HTR7: variants seen among roughly 807,000 people sequenced by gnomAD.
HTR7 encodes 5-hydroxytryptamine receptor 7.
A neutral mutation model predicts 34.0 loss-of-function variants in HTR7; 16 were observed. The ratio of observed to expected loss-of-function variants is 0.47; its 90% CI spans 0.32 to 0.71. The LOEUF (loss-of-function observed/expected upper bound fraction) is 0.71, where lower values mean the gene tolerates loss of function less well. Ranked by LOEUF, HTR7 falls within the 30% of genes least tolerant of loss-of-function variation. HTR7 has a pLI of 0.04. For missense variants in HTR7, 504 were observed against 625.5 expected (o/e 0.81, Z 2.07); for synonymous variants, 265 against 260.2 (o/e 1.02, Z -0.18).
intron 1 of HTR7, among the ~76,000 whole-genome samples, chr10:90,831,574 G>A (rs1288386044): frequency 2.6e-5 from 4 of 152,196 alleles, no homozygotes; most frequent in Admixed American, 2.6e-4. Context: ...GACCCCAGCG[G>A]GTTGCCACTG....
At chr10:90,760,762 T>C (rs969818967) in intron 1 of HTR7, among the ~76,000 whole-genome samples, 2 of 152,120 alleles carry the variant, frequency 1.3e-5, no homozygotes, top group African/African-American at 2.4e-5. Flanking sequence ...GCATCTGTAA[T>C]CCCAGCTACT....
At chr10:90,819,597 G>T (rs2120003424) in intron 1 of HTR7, among the ~76,000 whole-genome samples, 1 of 152,272 alleles carries the variant, frequency 6.6e-6, no homozygotes, top group Non-Finnish European at 1.5e-5. Context: ...CTGATAGTTG[G>T]TTTCTATTTC....
At chr10:90,804,641 G>T (rs2119937402) in intron 1 of HTR7, among the ~76,000 whole-genome samples, 1 of 152,254 alleles carries the variant, frequency 6.6e-6, no homozygotes, top group South Asian at 2.1e-4. Flanking sequence ...AGAAATATCA[G>T]CTGTTTATCC....
At chr10:90,793,340 G>A (rs1484565766) in intron 1 of HTR7, among the ~76,000 whole-genome samples, 1 of 151,646 alleles carries the variant, frequency 6.6e-6, no homozygotes, top group Non-Finnish European at 1.5e-5. Flanking sequence ...TAACATACGG[G>A]CAGAACTTGA....
At chr10:90,808,898 T>C (rs983572998) in intron 1 of HTR7, among the ~76,000 whole-genome samples, 1 of 152,204 alleles carries the variant, frequency 6.6e-6, no homozygotes, top group Admixed American at 6.5e-5. Flanking sequence ...CTACAAGATA[T>C]AAATAATTCT....
In HTR7 at chr10:90,798,862, A is replaced by T. The variant is rs190470812; in HGVS notation, c.540-49268T>A. ...AGTTATAGTTTATACTTTGAAACAA[A>T]GATAATAACAGCCCTTTCCCAAAAC... On this transcript the variant is annotated intron_variant, in intron 1 of 3. Coordinates refer to ENST00000336152, the MANE Select transcript of HTR7 (RefSeq NM_019859.4). Among the ~76,000 whole-genome samples the T allele has an allele frequency of 5.9e-5, 9 of 152,344 alleles. No homozygotes were observed. The East Asian group carries it at 1.7e-3, about 29-fold the overall frequency.
chr10:90,838,227 C>A (rs1348179741), intron 1 of HTR7, among the ~76,000 whole-genome samples: 1 of 152,168 alleles, frequency 6.6e-6, no homozygotes, highest in Non-Finnish European at 1.5e-5. Context: ...ACCACCAATT[C>A]TACTACCATC....
Position 90,751,845 on chromosome 10 carries a change from A to G in HTR7, c.540-2251T>C, listed in dbSNP as rs561986341. 3.9e-5 allele frequency among the ~76,000 whole-genome samples: 6 copies of G among 152,310 alleles called. No individual in the cohort carries two copies. The South Asian group carries it at 1.0e-3, about 26-fold the overall frequency. On this transcript the variant is annotated intron_variant, in intron 1 of 3. Transcript: ENST00000336152. ...AGAACTATGCCTTCCCACTTAAATA[A>G]CAATCCCATCTTTTTCCTGGCTAAG...
At position 90,749,482 on chromosome 10, in the gene HTR7, G is replaced by T. The variant is rs1844699897; in HGVS notation, c.652C>A (p.Leu218Ile). ...LLSASITLPP[L>I]FGWAQNVNDD... is the part of the protein sequence containing the mutation. ...TTTACATTCTGAGCCCATCCAAAGA[G>T]TGGAGGTAAGGTGATGGAGGCGGAG... is the stretch of plus-strand genomic sequence containing the variant. The change falls in exon 2 of 4, where the codon CTC becomes ATC. Residue 218 changes from leucine (L) to isoleucine (I), a missense_variant. This residue lies in a region of HTR7 where 154 missense variants were observed against 248.8 expected (regional missense o/e 0.62). Transcript: ENST00000336152. This position sits in a 1 kb window ranked among gnomAD's most constrained non-coding sequence, Gnocchi z 4.2. 6.2e-7 allele frequency: 1 copy of T among 1,614,202 alleles called. No individual in the cohort carries two copies. Among genetic ancestry groups the T allele is most frequent in the Non-Finnish European group, 8.5e-7 (1 of 1,180,030 alleles).
chr10:90,847,712 T>C (rs757761027), intron 1 of HTR7, among the ~76,000 whole-genome samples: 3 of 152,188 alleles, frequency 2.0e-5, no homozygotes, highest in African/African-American at 4.8e-5. Context: ...GATGAGTTCC[T>C]GTAACCATGA....
At chr10:90,817,265 G>C (rs191798282) in intron 1 of HTR7, among the ~76,000 whole-genome samples, 4 of 152,312 alleles carry the variant, frequency 2.6e-5, no homozygotes, top group Admixed American at 2.6e-4. Context: ...TGGGAAGTTG[G>C]ACACACTTCC....
chr10:90,826,527 T>A (rs1218880705), intron 1 of HTR7, among the ~76,000 whole-genome samples: 1 of 87,220 alleles, frequency 1.1e-5, no homozygotes. Context: ...CTGATAAAAA[T>A]AATAATTTTA....
chr10:90,796,242 C>A (rs1845536216), intron 1 of HTR7, among the ~76,000 whole-genome samples: 1 of 152,034 alleles, frequency 6.6e-6, no homozygotes, highest in Non-Finnish European at 1.5e-5. Context: ...TTTTGGCTGA[C>A]AAGCAATAAA....
chr10:90,744,223 A>G (rs1354623342), intron 2 of HTR7, among the ~76,000 whole-genome samples: 1 of 150,408 alleles, frequency 6.6e-6, no homozygotes, highest in African/African-American at 2.5e-5. Flanking sequence ...GGTTCTGATT[A>G]CAAGTCTCCT....
At chr10:90,828,048 A>G (rs991911964) in intron 1 of HTR7, among the ~76,000 whole-genome samples, 3 of 151,904 alleles carry the variant, frequency 2.0e-5, no homozygotes, top group African/African-American at 4.9e-5. Flanking sequence ...CAAGAAATGA[A>G]TAACAAGCAA....
intron 1 of HTR7, among the ~76,000 whole-genome samples, chr10:90,822,415 A>G (rs1430438038): frequency 1.3e-5 from 2 of 152,226 alleles, no homozygotes; most frequent in African/African-American, 2.4e-5. Context: ...GGTATCTGGC[A>G]GAAGAAATTT....
chr10:90,786,422 T>A (rs1402266390), intron 1 of HTR7, among the ~76,000 whole-genome samples: 1 of 152,184 alleles, frequency 6.6e-6, no homozygotes. Flanking sequence ...AAGCCAGATG[T>A]GGTGCCTGAG....
chr10:90,755,531 C>T (rs1174162899), intron 1 of HTR7, among the ~76,000 whole-genome samples: 4 of 152,206 alleles, frequency 2.6e-5, no homozygotes, highest in African/African-American at 7.2e-5. Context: ...CTGGCCTTAA[C>T]TCACTAAATT....
At chr10:90,829,666 A>G (rs1325065560) in intron 1 of HTR7, among the ~76,000 whole-genome samples, 7 of 152,230 alleles carry the variant, frequency 4.6e-5, no homozygotes, top group Admixed American at 4.6e-4. Flanking sequence ...TTCAAATTGC[A>G]AAGAAGTCAA....
Sources: gnomAD v4.1 joint callset for allele counts (sites outside exome capture counted in the v4.1 genomes callset) on GRCh38, gnomAD v4.1.1 for gene constraint, gnomAD v4.1.1 regional missense constraint, Gnocchi (gnomAD v3.1) non-coding constraint, MANE v1.5 for transcripts, NCBI Gene and HGNC (gene_info 2026-07-23, HGNC 2026-07-21) for gene names.